Variants in ODC1 observed in about 807,000 individuals in gnomAD.
ODC1 encodes the protein ornithine decarboxylase.
A neutral mutation model predicts 41.5 loss-of-function variants in ODC1; 18 were observed. That is an observed-to-expected ratio of 0.43 (90% CI 0.30 to 0.64). The LOEUF is 0.64. Ranked by LOEUF, ODC1 falls within the 30% of genes least tolerant of loss-of-function variation. The pLI is 0.11. For synonymous variants in ODC1, 218 were observed against 211.6 expected, an observed-to-expected ratio of 1.03 and a Z score of -0.26; for missense variants, 504 against 589.0, an observed-to-expected ratio of 0.86 and a Z score of 1.49.
At position 10,443,763 on chromosome 2, in the gene ODC1, T is replaced by G. The variant is rs753773098; in HGVS notation, c.523A>C (p.Arg175=). The G allele has an allele frequency of 6.2e-7, 1 of 1,614,248 alleles. No individual in the cohort carries two copies. The highest frequency in any genetic ancestry group is 8.5e-7 in the Non-Finnish European group (1 of 1,180,044). ...CGTTCCAAAAGGAGCCTGCTGGTTC[T>G]GAGCGTGGCACCGAATTTCACACTG... is the stretch of plus-strand genomic sequence containing the variant. ...RLSVKFGATL[R]TSRLLLERAK... Residue 175 remains arginine, a synonymous_variant, in exon 6 of 12, where the codon AGA becomes CGA. Transcript: ENST00000234111.
In ODC1 at chr2:10,448,277, C is replaced by T. The variant is rs1044504521; in HGVS notation, c.-284G>A. On this transcript the variant is annotated 5_prime_UTR_variant, in exon 1 of 12. Coordinates refer to ENST00000234111, the MANE Select transcript of ODC1 (RefSeq NM_002539.3). Reference sequence around the variant, plus strand: ...CCGGCCCGAGGTGGCGCCGGAGCTGCTGGCAGAGGGGCGGCGGGCGGCGGC... The same window carrying T: ...CCGGCCCGAGGTGGCGCCGGAGCTGTTGGCAGAGGGGCGGCGGGCGGCGGC... The T allele has an allele frequency of 5.9e-5, 14 of 238,696 alleles. No individual in the cohort carries two copies. The highest frequency in any genetic ancestry group is 2.3e-4 in the African/African-American group (10 of 43,216). 14.8% of individuals were successfully genotyped at this position (238,696 alleles called of 1,614,324 possible). A position where few individuals can be genotyped will look rare whatever the true frequency, so the allele number is the denominator to read the frequency against.
At position 10,440,328 on chromosome 2, in the gene ODC1, C is replaced by CT. The variant is rs1194420749; in HGVS notation, c.*395dup. ...ATTGTTCTCTGAGAATCAGAGCGAG[C>CT]TATACGGGATTCGTGAACTGTCTGG... On this transcript the variant is annotated 3_prime_UTR_variant, in exon 12 of 12. Coordinates refer to ENST00000234111, the MANE Select transcript of ODC1 (RefSeq NM_002539.3). The CT allele has an allele frequency of 6.1e-6, 1 of 164,284 alleles. No individual in the cohort carries two copies. The highest frequency in any genetic ancestry group is 1.3e-5 in the Non-Finnish European group (1 of 75,264). 10.2% of individuals were successfully genotyped at this position (164,284 alleles called of 1,614,324 possible). A position where few individuals can be genotyped will look rare whatever the true frequency, so the allele number is the denominator to read the frequency against.
chr2:10,446,583 A>T (rs969811291), intron 1 of ODC1: 3 of 184,100 alleles, frequency 1.6e-5, no homozygotes, highest in Admixed American at 6.3e-5. Flanking sequence ...ACAAGCAAGA[A>T]CATCACTCTA....
At position 10,445,015 on chromosome 2, in the gene ODC1, A is replaced by G. The variant is rs1469344787; in HGVS notation, c.18T>C (p.Asn6=). The part of the protein sequence containing the change: MNNFG[N]EEFDCHFLDE... ...CGAGGAAGTGGCAGTCAAACTCTTCATTACCAAAGTTGTTCATGATTTCTT... is the reference window on the plus strand; with the variant it reads ...CGAGGAAGTGGCAGTCAAACTCTTCGTTACCAAAGTTGTTCATGATTTCTT... Residue 6 remains asparagine, a synonymous_variant, in exon 3 of 12, where the codon AAT becomes AAC. Coordinates refer to ENST00000234111, the MANE Select transcript of ODC1 (RefSeq NM_002539.3). 6.2e-7 allele frequency: 1 copy of G among 1,612,398 alleles called. No homozygotes were observed. The highest frequency in any genetic ancestry group is 1.1e-5 in the South Asian group (1 of 91,046).
At chr2:10,441,473 T>C (rs1256406153) in intron 11 of ODC1, 36 bp downstream of exon 11, 3 of 1,597,694 alleles carry the variant, frequency 1.9e-6, no homozygotes, top group African/African-American at 2.7e-5. Flanking sequence ...AGGTGCCTAT[T>C]CTTGGCAGCA....
chr2:10,447,944 C>T (rs1039813857), intron 1 of ODC1, among the ~76,000 whole-genome samples, 177 bp downstream of exon 1: 1 of 152,074 alleles, frequency 6.6e-6, no homozygotes, highest in South Asian at 2.1e-4. Flanking sequence ...TATCCAGCCG[C>T]GGGAGAACCC....
At chr2:10,442,280 CAACA>C in intron 8 of ODC1, 106 bp from the exon 9 acceptor site, 1 of 1,148,940 alleles carries the variant, frequency 8.7e-7, no homozygotes, top group South Asian at 1.7e-5. Context: ...GACCAGGCAT[CAACA>C]GACAGGTTTA....
intron 1 of ODC1, among the ~76,000 whole-genome samples, chr2:10,447,213 C>G (rs1400047259): frequency 6.6e-6 from 1 of 152,260 alleles, no homozygotes; most frequent in South Asian, 2.1e-4. Flanking sequence ...GAACACCTTT[C>G]GGTCTTTCTG....
chr2:10,445,289 C>T (rs1201414778), intron 1 of ODC1, 25 bp from the exon 2 acceptor site: 5 of 401,840 alleles, frequency 1.2e-5, no homozygotes, highest in Middle Eastern at 7.4e-4. Flanking sequence ...AGGGAATTTG[C>T]TGTCTACCTT....
rs148268330 is a variant in ODC1, at chr2:10,443,190, T to A, written c.750+40A>T. 2.7e-6 allele frequency: 4 copies of A among 1,476,276 alleles called. No individual in the cohort carries two copies. In the African/African-American group the frequency reaches 5.6e-5, roughly 21 times the overall value. The allele number at this position is 1,476,276 out of a possible 1,614,324, so 91.4% of individuals were successfully genotyped here. A position where few individuals can be genotyped will look rare whatever the true frequency, so the allele number is the denominator to read the frequency against. The stretch of plus-strand genomic sequence containing the variant: ...TGAAATATTCCAAAAAGGAATTTAT[T>A]AGAACGGCTACTGAGTATTACAGTT... On this transcript the variant is annotated intron_variant, in intron 8 of 11. Transcript: ENST00000234111.
Position 10,440,504 on chromosome 2 carries a change from T to C in ODC1, c.*220A>G, listed in dbSNP as rs911426548. On this transcript the variant is annotated 3_prime_UTR_variant, in exon 12 of 12. Coordinates refer to ENST00000234111, the MANE Select transcript of ODC1 (RefSeq NM_002539.3). The stretch of plus-strand genomic sequence containing the variant: ...AGCTGAGGGGCACTCTTGAGTAGCG[T>C]GTCTGAAGAGTGAATAAAAATCCAT... The C allele has an allele frequency of 2.4e-5, 11 of 453,156 alleles. No individual in the cohort carries two copies. Among genetic ancestry groups the C allele is most frequent in the African/African-American group, 2.2e-4 (11 of 49,670 alleles). The allele number at this position is 453,156 out of a possible 1,614,324, so 28.1% of individuals were successfully genotyped here.
chr2:10,440,738 T>C lies in ODC1; in HGVS notation c.1372A>G (p.Ser458Gly), dbSNP rs1162368689. ...KRHRAACASA[S>G]INV ...CAGAGTGCTATCTACACATTAATAC[T>C]AGCCGAAGCACAGGCTGCTCTGTGG... Residue 458 changes from serine (S) to glycine (G), a missense_variant, in exon 12 of 12, where the codon AGT becomes GGT. Around this residue, in one of 3 missense-constraint regions of ODC1, gnomAD observed 447 missense variants for 524.4 expected, o/e 0.85. Transcript: ENST00000234111. The C allele has an allele frequency of 2.5e-6, 4 of 1,613,984 alleles. No individual in the cohort carries two copies. Among genetic ancestry groups the C allele is most frequent in the Non-Finnish European group, 3.4e-6 (4 of 1,180,002 alleles).
intron 11 of ODC1, 28 bp from the exon 12 acceptor site, chr2:10,440,896 A>G (rs769642618): frequency 6.2e-7 from 1 of 1,613,360 alleles, no homozygotes; most frequent in South Asian, 1.1e-5. Context: ...GCATATTAAA[A>G]ACCCTGACTC....
At chr2:10,441,453 AC>A in intron 11 of ODC1, 55 bp downstream of exon 11, 1 of 1,525,038 alleles carries the variant, frequency 6.6e-7, no homozygotes, top group Non-Finnish European at 9.0e-7. Context: ...CAAGAAGCAC[AC>A]ATCCAAGAAG....
In ODC1 at chr2:10,442,022, C is replaced by A. The variant is rs142575004; in HGVS notation, c.903G>T (p.Thr301=). Residue 301 remains threonine, a synonymous_variant, in exon 9 of 12, where the codon ACG becomes ACT. Coordinates refer to ENST00000234111, the MANE Select transcript of ODC1 (RefSeq NM_002539.3). ...IAKKIVLKEQ[T]GSDDEDESSE... ...GTCCTTTATACATACCATCAGAGCC[C>A]GTCTGTTCCTTTAATACAATTTTCT... 1.9e-6 allele frequency: 3 copies of A among 1,613,584 alleles called. No homozygotes were observed. In the South Asian group the frequency reaches 3.3e-5, roughly 18 times the overall value.
chr2:10,440,960 ATT>A (rs111950270), intron 11 of ODC1, 92 bp from the exon 12 acceptor site: 261 of 1,139,944 alleles, frequency 2.3e-4, no homozygotes, highest in African/African-American at 6.0e-4. Context: ...AATTCAATGT[ATT>A]TTTTTTTTTT....
Position 10,440,727 on chromosome 2 carries a change from C to T in ODC1, c.1383G>A (p.Val461=), listed in dbSNP as rs1349376131. Residue 461 remains valine, a synonymous_variant, in exon 12 of 12, where the codon GTG becomes GTA. Coordinates refer to ENST00000234111, the MANE Select transcript of ODC1 (RefSeq NM_002539.3). ...RAACASASIN[V] is the part of the protein sequence containing the mutation. ...TTAACAGCTACCAGAGTGCTATCTACACATTAATACTAGCCGAAGCACAGG... is the reference window on the plus strand; with the variant it reads ...TTAACAGCTACCAGAGTGCTATCTATACATTAATACTAGCCGAAGCACAGG... The T allele has an allele frequency of 6.2e-7, 1 of 1,613,576 alleles. No homozygotes were observed. Among genetic ancestry groups the T allele is most frequent in the Non-Finnish European group, 8.5e-7 (1 of 1,179,752 alleles).
chr2:10,440,573 T>C lies in ODC1; in HGVS notation c.*151A>G. The C allele has an allele frequency of 3.0e-6, 2 of 660,304 alleles. No homozygotes were observed. Among genetic ancestry groups the C allele is most frequent in the South Asian group, 4.0e-5 (2 of 49,486 alleles). The allele number at this position is 660,304 out of a possible 1,614,324, so 40.9% of individuals were successfully genotyped here. ...TAGTTTCCATAGGAACACAGATAAG[T>C]GTGACCCATATCCTAGTCTTCCATA... is the stretch of plus-strand genomic sequence containing the variant. On this transcript the variant is annotated 3_prime_UTR_variant, in exon 12 of 12. Coordinates refer to ENST00000234111, the MANE Select transcript of ODC1 (RefSeq NM_002539.3).
At position 10,443,526 on chromosome 2, in the gene ODC1, C is replaced by T. The variant is rs776001478; in HGVS notation, c.630G>A (p.Gln210=). 13 of 1,614,054 alleles carry T rather than the reference C, an allele frequency of 8.1e-6. No homozygotes were observed. In the Admixed American group the frequency reaches 2.2e-4, roughly 27 times the overall value. Residue 210 remains glutamine, a synonymous_variant, in exon 7 of 12, where the codon CAG becomes CAA. Coordinates refer to ENST00000234111, the MANE Select transcript of ODC1 (RefSeq NM_002539.3). Reference sequence around the variant, plus strand: ...AAACACAGCGGGCATCAGAGATTGCCTGCACGAAGGTCTCAGGATCGGTAC... The same window carrying T: ...AAACACAGCGGGCATCAGAGATTGCTTGCACGAAGGTCTCAGGATCGGTAC... The part of the protein sequence containing the change: ...SGCTDPETFV[Q]AISDARCVFD...
Sources: allele counts gnomAD v4.1 joint callset (sites outside exome capture counted in the v4.1 genomes callset), GRCh38; gene constraint gnomAD v4.1.1; regional missense constraint gnomAD v4.1.1; transcripts MANE v1.5; gene names NCBI Gene and HGNC (gene_info 2026-07-23, HGNC 2026-07-21).